Variants in STARD10 observed in about 807,000 individuals in gnomAD.
STARD10 encodes StAR related lipid transfer domain containing 10, also known as START domain-containing protein 10.
In STARD10, 24 loss-of-function variants were observed where a neutral mutation model predicts 36.0. That is an observed-to-expected ratio of 0.67 (90% CI 0.48 to 0.94). STARD10 has a LOEUF of 0.94. Ranked by LOEUF, STARD10 falls within the 40% of genes least tolerant of loss-of-function variation. The pLI, the probability that STARD10 is intolerant of heterozygous loss-of-function variation, is 0.00. For missense variants in STARD10, 335 were observed against 396.6 expected (o/e 0.84, Z 1.32); for synonymous variants, 156 against 161.9 (o/e 0.96, Z 0.28).
intron 4 of STARD10, 91 bp downstream of exon 4, chr11:72,758,439 C>T (rs956602369): frequency 8.8e-6 from 9 of 1,019,290 alleles, no homozygotes; most frequent in Middle Eastern, 2.0e-4. Context: ...CATGCCTGCC[C>T]GAAGTCATAT....
chr11:72,787,680 C>T (rs572000219), intron 1 of STARD10, among the ~76,000 whole-genome samples: 14 of 152,170 alleles, frequency 9.2e-5, no homozygotes, highest in African/African-American at 1.9e-4. Context: ...CTGTCAGAGG[C>T]GCCTGATCCA....
At chr11:72,790,935 T>A (rs943579640) in intron 1 of STARD10, among the ~76,000 whole-genome samples, 1 of 152,222 alleles carries the variant, frequency 6.6e-6, no homozygotes, top group Non-Finnish European at 1.5e-5. Context: ...TCTCTGCCCC[T>A]GCATTGACTT....
At chr11:72,769,180 T>C (rs998708557) in intron 2 of STARD10, among the ~76,000 whole-genome samples, 6 of 152,094 alleles carry the variant, frequency 3.9e-5, no homozygotes, top group African/African-American at 1.4e-4. Flanking sequence ...TCTTTAATAG[T>C]CCTGACAGTC....
At chr11:72,763,685 GTGAA>G (rs1019489945) in intron 2 of STARD10, among the ~76,000 whole-genome samples, 2 of 152,194 alleles carry the variant, frequency 1.3e-5, no homozygotes, top group Non-Finnish European at 2.9e-5. Flanking sequence ...GAGTGACTGA[GTGAA>G]TGAATGAAGG....
intron 6 of STARD10, 164 bp from the exon 7 acceptor site, chr11:72,755,306 C>CT (rs542293512): frequency 0.094 from 32,762 of 350,134 alleles, 462 homozygotes; most frequent in African/African-American, 0.13. Flanking sequence ...ATTCTCCATT[C>CT]TTTTTTTTTT....
chr11:72,775,356 C>T (rs1157455361), intron 2 of STARD10, among the ~76,000 whole-genome samples: 1 of 152,172 alleles, frequency 6.6e-6, no homozygotes, highest in Non-Finnish European at 1.5e-5. Flanking sequence ...TGTCTAAAAC[C>T]TTCCCCTGGC....
chr11:72,758,071 C>G (rs969150536), intron 4 of STARD10, 187 bp from the exon 5 acceptor site: 1 of 611,768 alleles, frequency 1.6e-6, no homozygotes, highest in African/African-American at 1.8e-5. Flanking sequence ...ATCCTAGCCC[C>G]TCTTGAAGCT....
At position 72,781,620 on chromosome 11, in the gene STARD10, G is replaced by GGGTGGCGGGGCA. The variant is rs1282015164; in HGVS notation, c.-113-338_-113-327dup. The GGGTGGCGGGGCA allele has an allele frequency of 1.3e-5, 2 of 150,632 alleles. No homozygotes were observed. The highest frequency in any genetic ancestry group is 4.9e-5 in the African/African-American group (2 of 41,086). 9.3% of individuals were successfully genotyped at this position (150,632 alleles called of 1,614,324 possible). A position where few individuals can be genotyped will look rare whatever the true frequency, so the allele number is the denominator to read the frequency against. ...CAGCGACGCCGGGCGGGCGCGGGGCGGGTGGCGGGGCAGGAGGGGCGCCCT... is the reference window on the plus strand; with the variant it reads ...CAGCGACGCCGGGCGGGCGCGGGGCGGGTGGCGGGGCAGGTGGCGGGGCAGGAGGGGCGCCCT... On this transcript the variant is annotated intron_variant, in intron 1 of 6. Coordinates refer to ENST00000334805, the MANE Select transcript of STARD10 (RefSeq NM_006645.3). The surrounding 1 kb of genome is among the most constrained non-coding windows in gnomAD (Gnocchi z 4.7).
At chr11:72,785,586 AAG>A (rs1440265008) in intron 1 of STARD10, among the ~76,000 whole-genome samples, 8 of 68,866 alleles carry the variant, frequency 1.2e-4, no homozygotes, top group Non-Finnish European at 1.8e-4. Context: ...AAAAAAAAAA[AAG>A]GGAATAAGAA....
At chr11:72,767,714 G>A (rs1000385083) in intron 2 of STARD10, among the ~76,000 whole-genome samples, 3 of 152,166 alleles carry the variant, frequency 2.0e-5, no homozygotes, top group South Asian at 2.1e-4. Flanking sequence ...AGCACCTGTC[G>A]CCTGCAGGCC....
Position 72,793,756 on chromosome 11 carries a change from G to A in STARD10, c.-995C>T, listed in dbSNP as rs893438378. On this transcript the variant is annotated 5_prime_UTR_variant, in exon 1 of 7. The change creates a new upstream start codon in the 5' untranslated region. Coordinates refer to ENST00000334805, the MANE Select transcript of STARD10 (RefSeq NM_006645.3). Reference sequence around the variant, plus strand: ...CGGCCGCGAAGCCCCGCGTTTGCGCGTGCGCTTCCCGCCCGGGACCGCCCA... The same window carrying A: ...CGGCCGCGAAGCCCCGCGTTTGCGCATGCGCTTCCCGCCCGGGACCGCCCA... The A allele has an allele frequency of 6.6e-6, 1 of 152,216 alleles. No homozygotes were observed. Among genetic ancestry groups the A allele is most frequent in the East Asian group, 1.9e-4 (1 of 5,198 alleles). 9.4% of individuals were successfully genotyped at this position (152,216 alleles called of 1,614,324 possible). A position where few individuals can be genotyped will look rare whatever the true frequency, so the allele number is the denominator to read the frequency against.
intron 2 of STARD10, among the ~76,000 whole-genome samples, chr11:72,763,865 C>A (rs575354471): frequency 6.6e-6 from 1 of 152,304 alleles, no homozygotes; most frequent in East Asian, 1.9e-4. Context: ...CTAAACCTAG[C>A]TGGTGGTCGC....
At position 72,787,334 on chromosome 11, in the gene STARD10, C is replaced by T. The variant is rs540152063; in HGVS notation, c.-114+5541G>A. Among the ~76,000 whole-genome samples, 11 of 152,292 alleles carry T rather than the reference C, an allele frequency of 7.2e-5. No homozygotes were observed. The East Asian group carries it at 1.2e-3, about 16-fold the overall frequency. On this transcript the variant is annotated intron_variant, in intron 1 of 6. Transcript: ENST00000334805. ...GCTGCCCTCTGGGCCTCGCAGGGGCCGTTGCCTCCCCTAGGCTCAGGGGAG... is the reference window on the plus strand; with the variant it reads ...GCTGCCCTCTGGGCCTCGCAGGGGCTGTTGCCTCCCCTAGGCTCAGGGGAG...
chr11:72,761,484 C>T (rs1334649384), intron 2 of STARD10, among the ~76,000 whole-genome samples: 4 of 152,234 alleles, frequency 2.6e-5, no homozygotes, highest in South Asian at 2.1e-4. Context: ...AGGTTGGGCG[C>T]GGTGGCTCAT....
At chr11:72,762,999 C>T (rs1012297246) in intron 2 of STARD10, among the ~76,000 whole-genome samples, 3 of 152,194 alleles carry the variant, frequency 2.0e-5, no homozygotes, top group Non-Finnish European at 4.4e-5. Context: ...TAAGCAAATA[C>T]TCAAAGAATG....
intron 1 of STARD10, among the ~76,000 whole-genome samples, chr11:72,791,374 G>A (rs1260101971): frequency 2.6e-5 from 4 of 152,160 alleles, no homozygotes. Flanking sequence ...CCCTGTCGTA[G>A]TCCAGTTCTA....
At chr11:72,767,570 G>A (rs1286653279) in intron 2 of STARD10, among the ~76,000 whole-genome samples, 1 of 152,180 alleles carries the variant, frequency 6.6e-6, no homozygotes, top group African/African-American at 2.4e-5. Flanking sequence ...GCAACTGGAG[G>A]CTGCCTTAGT....
chr11:72,758,543 G>A lies in STARD10; in HGVS notation c.446C>T (p.Ser149Leu). ...AGGTTGACTCACGGGATGTTTGACT[G>A]AGTAGTTCATAATGATGTAATCAGC... ...MGADYIIMNY[S>L]VKHPKYPPRK... is the part of the protein sequence containing the mutation. Residue 149 changes from serine (S) to leucine (L), a missense_variant, in exon 4 of 7, where the codon TCA becomes TTA. By Grantham distance (145) the Ser-to-Leu change is moderately radical. Coordinates refer to ENST00000334805, the MANE Select transcript of STARD10 (RefSeq NM_006645.3). 6.2e-7 allele frequency: 1 copy of A among 1,613,852 alleles called. No homozygotes were observed. Among genetic ancestry groups the A allele is most frequent in the South Asian group, 1.1e-5 (1 of 91,054 alleles).
chr11:72,754,926 C>T lies in STARD10; in HGVS notation c.847G>A (p.Gly283Ser). The change falls in exon 7 of 7, where the codon GGC (glycine) becomes AGC (serine). Residue 283 changes from glycine to serine, a missense_variant. Transcript: ENST00000334805. ...GTGAGCGAGGTGTCGTCGTCGCTGC[C>T]CTCGCCGCCCGCGCCGCCCATCCGC... is the stretch of plus-strand genomic sequence containing the variant. Reference protein sequence around the residue: ...EERMGGAGGEGSDDDTSLT With the variant: ...EERMGGAGGESSDDDTSLT The T allele has an allele frequency of 6.2e-7, 1 of 1,601,264 alleles. No individual in the cohort carries two copies. Among genetic ancestry groups the T allele is most frequent in the Non-Finnish European group, 8.5e-7 (1 of 1,178,274 alleles).
Sources: gnomAD v4.1 joint callset for allele counts (sites outside exome capture counted in the v4.1 genomes callset) on GRCh38, gnomAD v4.1.1 for gene constraint, Gnocchi (gnomAD v3.1) non-coding constraint, MANE v1.5 for transcripts, NCBI Gene and HGNC (gene_info 2026-07-23, HGNC 2026-07-21) for gene names.